Variants in YAF2 observed in about 807,000 individuals in gnomAD.
YAF2 encodes YY1 associated factor 2, also known as YY1-associated factor 2.
A neutral mutation model predicts 20.1 loss-of-function variants in YAF2; 7 were observed. The observed-to-expected ratio is 0.35, with a 90% confidence interval of 0.20 to 0.65. The LOEUF (loss-of-function observed/expected upper bound fraction) is 0.65. Ranked by LOEUF, YAF2 falls within the 30% of genes least tolerant of loss-of-function variation. The pLI is 0.69. For missense variants in YAF2, 151 were observed against 219.2 expected (o/e 0.69, Z 1.96); for synonymous variants, 74 against 76.0 (o/e 0.97, Z 0.14).
At position 42,166,338 on chromosome 12, in the gene YAF2, T is replaced by C. The variant is rs140686502; in HGVS notation, c.153-4573A>G. Among the ~76,000 whole-genome samples, 25 of 152,380 alleles carry C rather than the reference T, an allele frequency of 1.6e-4. No individual in the cohort carries two copies. The East Asian group carries it at 4.4e-3, about 27-fold the overall frequency. On this transcript the variant is annotated intron_variant, in intron 2 of 3. Transcript: ENST00000534854. ...ATTTCTTGAAGAGACAGACATTCTC[T>C]CTGCTTCAGAATTACCATTTTCATT...
chr12:42,224,091 A>T (rs2067609375), intron 2 of YAF2, among the ~76,000 whole-genome samples: 2 of 152,324 alleles, frequency 1.3e-5, no homozygotes, highest in Admixed American at 1.3e-4. Context: ...GATTTCATAT[A>T]AGCACAGCCT....
At chr12:42,217,633 T>C (rs2067394666) in intron 2 of YAF2, among the ~76,000 whole-genome samples, 1 of 152,156 alleles carries the variant, frequency 6.6e-6, no homozygotes, top group Admixed American at 6.6e-5. Context: ...GCTGAATTCA[T>C]TTTATCACTT....
chr12:42,178,796 AG>A (rs2066263584), intron 2 of YAF2, among the ~76,000 whole-genome samples: 2 of 152,206 alleles, frequency 1.3e-5, no homozygotes, highest in African/African-American at 2.4e-5. Context: ...AACCAGAGAC[AG>A]GGTGCATAAT....
chr12:42,201,929 T>C (rs1178074313), intron 2 of YAF2, among the ~76,000 whole-genome samples: 1 of 152,228 alleles, frequency 6.6e-6, no homozygotes, highest in East Asian at 1.9e-4. Context: ...TCATTTACCC[T>C]TGATGTCTTT....
chr12:42,217,300 CCATA>C (rs2067383285), intron 2 of YAF2, among the ~76,000 whole-genome samples: 1 of 151,900 alleles, frequency 6.6e-6, no homozygotes. Context: ...TTTTTAGTTC[CCATA>C]CAGTTTACAA....
intron 2 of YAF2, among the ~76,000 whole-genome samples, chr12:42,227,984 C>T (rs1433211504): frequency 7.0e-6 from 1 of 141,890 alleles, no homozygotes; most frequent in African/African-American, 2.6e-5. Flanking sequence ...GGGGGTCAGC[C>T]CCCCGCCTGG....
chr12:42,183,790 A>G (rs2066404410), intron 2 of YAF2, among the ~76,000 whole-genome samples: 1 of 152,268 alleles, frequency 6.6e-6, no homozygotes. Flanking sequence ...AATGTAGACA[A>G]AAAAGCATTA....
At chr12:42,233,816 A>G in intron 2 of YAF2, 1 of 985,434 alleles carries the variant, frequency 1.0e-6, no homozygotes, top group Non-Finnish European at 1.2e-6. Context: ...CCAGCCAAGA[A>G]TGATCCTTAA....
intron 2 of YAF2, among the ~76,000 whole-genome samples, chr12:42,208,323 G>T (rs1049618650): frequency 6.6e-6 from 1 of 152,082 alleles, no homozygotes; most frequent in Non-Finnish European, 1.5e-5. Flanking sequence ...CTACTTGGGA[G>T]GCTGAGGCAA....
chr12:42,235,777 A>G (rs1314354382), intron 2 of YAF2: 1 of 1,535,494 alleles, frequency 6.5e-7, no homozygotes, highest in East Asian at 2.4e-5. Flanking sequence ...AAAAAATGTC[A>G]GGGGCCCCCA....
Position 42,233,277 on chromosome 12 carries a change from C to T in YAF2, c.152+4322G>A, listed in dbSNP as rs1236147567. The T allele has an allele frequency of 3.0e-6, 3 of 985,132 alleles. No individual in the cohort carries two copies. The African/African-American group carries it at 5.2e-5, about 17-fold the overall frequency. 61.0% of individuals were successfully genotyped at this position (985,132 alleles called of 1,614,324 possible). ...ATCCTCTAACAAAATGTAACATTAC[C>T]TGTTACATTTGAAAGCCTGGTATGA... On this transcript the variant is annotated intron_variant, in intron 2 of 3. Coordinates refer to ENST00000534854, the MANE Select transcript of YAF2 (RefSeq NM_005748.6).
intron 2 of YAF2, chr12:42,235,863 C>T: frequency 1.3e-6 from 2 of 1,536,088 alleles, no homozygotes; most frequent in African/African-American, 1.4e-5. Flanking sequence ...TATATTCCTT[C>T]TTCTTCCAGG....
intron 2 of YAF2, among the ~76,000 whole-genome samples, chr12:42,189,500 G>A (rs1410471280): frequency 1.3e-5 from 2 of 152,226 alleles, no homozygotes; most frequent in African/African-American, 4.8e-5. Flanking sequence ...CAGACTGGGA[G>A]CAAGGAGAAC....
At chr12:42,227,064 G>GCCA (rs1224388297) in intron 2 of YAF2, among the ~76,000 whole-genome samples, 50 of 145,420 alleles carry the variant, frequency 3.4e-4, no homozygotes, top group African/African-American at 1.2e-3. Flanking sequence ...GACCGCAGCC[G>GCCA]CCGCCGCCCG....
chr12:42,184,519 G>A (rs1239729751), intron 2 of YAF2, among the ~76,000 whole-genome samples: 1 of 152,016 alleles, frequency 6.6e-6, no homozygotes, highest in African/African-American at 2.4e-5. Flanking sequence ...CATGTTGACC[G>A]CACTGGTCTC....
chr12:42,208,193 C>T (rs576304547), intron 2 of YAF2, among the ~76,000 whole-genome samples: 9 of 152,126 alleles, frequency 5.9e-5, no homozygotes, highest in Non-Finnish European at 4.4e-5. Context: ...TTTGGGAGGC[C>T]GAGGCGGGCA....
chr12:42,236,612 G>A (rs79076196), intron 2 of YAF2, among the ~76,000 whole-genome samples: 7,033 of 151,978 alleles, frequency 0.046, 262 homozygotes, highest in East Asian at 0.15. Context: ...GAAATCTAAC[G>A]TCTACTGAAT....
At chr12:42,174,395 C>A (rs939434951) in intron 2 of YAF2, among the ~76,000 whole-genome samples, 1 of 152,166 alleles carries the variant, frequency 6.6e-6, no homozygotes. Flanking sequence ...TTTCACTCAG[C>A]CTCTAGGACA....
chr12:42,218,185 A>G (rs10880270), intron 2 of YAF2, among the ~76,000 whole-genome samples: 94 of 140,698 alleles, frequency 6.7e-4, no homozygotes, highest in South Asian at 3.3e-3. Context: ...GCTACTAGGA[A>G]ACACACACAC....
Sources: gnomAD v4.1 joint callset for allele counts (sites outside exome capture counted in the v4.1 genomes callset) on GRCh38, gnomAD v4.1.1 for gene constraint, MANE v1.5 for transcripts, NCBI Gene and HGNC (gene_info 2026-07-23, HGNC 2026-07-21) for gene names.